The following SLC9A9 variants were observed in gnomAD, a reference collection of about 807,000 sequenced individuals.
SLC9A9 encodes sodium/hydrogen exchanger 9.
A neutral mutation model predicts 77.8 loss-of-function variants in SLC9A9; 62 were observed. The ratio of observed to expected loss-of-function variants is 0.80; its 90% CI spans 0.65 to 0.98. SLC9A9 has a LOEUF of 0.98. SLC9A9 is among the 50% of genes least tolerant of loss of function. The pLI is 0.00. For missense variants in SLC9A9, 775 were observed against 774.9 expected (o/e 1.00, Z 0.00); for synonymous variants, 320 against 283.5 (o/e 1.13, Z -1.29).
chr3:143,632,172 G>C (rs1300655312), intron 6 of SLC9A9, among the ~76,000 whole-genome samples: 1 of 152,136 alleles, frequency 6.6e-6, no homozygotes, highest in Admixed American at 6.6e-5. Context: ...ATCAGTGGCT[G>C]GCAAGTTCTT....
intron 14 of SLC9A9, among the ~76,000 whole-genome samples, chr3:143,291,463 T>G (rs2029966678): frequency 2.0e-5 from 3 of 152,168 alleles, no homozygotes; most frequent in Non-Finnish European, 1.5e-5. Flanking sequence ...CATCTCTCAC[T>G]CTACCCACTT....
chr3:143,356,335 T>A (rs910762996), intron 14 of SLC9A9, among the ~76,000 whole-genome samples: 1 of 152,182 alleles, frequency 6.6e-6, no homozygotes, highest in Non-Finnish European at 1.5e-5. Flanking sequence ...ACTTTACTGA[T>A]GGATTCAGCC....
At chr3:143,536,421 C>A (rs774826392) in intron 9 of SLC9A9, among the ~76,000 whole-genome samples, 8 of 152,158 alleles carry the variant, frequency 5.3e-5, no homozygotes, top group Non-Finnish European at 8.8e-5. Context: ...CTAACTGGCA[C>A]CTATTAGTCC....
intron 14 of SLC9A9, among the ~76,000 whole-genome samples, chr3:143,344,761 A>G (rs552386808): frequency 6.6e-6 from 1 of 152,194 alleles, no homozygotes; most frequent in East Asian, 1.9e-4. Flanking sequence ...GTTTCCTGGC[A>G]TGTAATTGTT....
chr3:143,838,245 G>T (rs889007375), intron 1 of SLC9A9, among the ~76,000 whole-genome samples: 1 of 152,224 alleles, frequency 6.6e-6, no homozygotes, highest in Non-Finnish European at 1.5e-5. Flanking sequence ...TCAAGGATGT[G>T]TAAGAGTTCA....
At chr3:143,356,616 G>C (rs1243477468) in intron 14 of SLC9A9, among the ~76,000 whole-genome samples, 1 of 152,128 alleles carries the variant, frequency 6.6e-6, no homozygotes, top group East Asian at 1.9e-4. Flanking sequence ...GAACTCCTGG[G>C]CTCAAGTGAT....
intron 7 of SLC9A9, among the ~76,000 whole-genome samples, 192 bp downstream of exon 7, chr3:143,578,393 C>T (rs1394919587): frequency 2.0e-5 from 3 of 152,114 alleles, no homozygotes; most frequent in East Asian, 1.9e-4. Context: ...GAGCTTGGGC[C>T]CCTCTGCCAC....
chr3:143,846,759 GT>G (rs1403264371), intron 1 of SLC9A9, among the ~76,000 whole-genome samples: 3 of 142,056 alleles, frequency 2.1e-5, no homozygotes, highest in African/African-American at 5.6e-5. Context: ...TTTGGGTTAT[GT>G]TTTTTTTCTT....
At position 143,701,794 on chromosome 3, in the gene SLC9A9, A is replaced by G. The variant is rs114723506; in HGVS notation, c.534-8487T>C. The stretch of plus-strand genomic sequence containing the variant: ...TTGCAAAACCTGGAGAAAGATATCA[A>G]TATCCAAGTACAAGAATGTTACAGA... On this transcript the variant is annotated intron_variant, in intron 4 of 15. Coordinates refer to ENST00000316549, the MANE Select transcript of SLC9A9 (RefSeq NM_173653.4). Among the ~76,000 whole-genome samples the G allele has an allele frequency of 7.0e-3, 1,063 of 152,338 alleles. 8 individuals are homozygous for G. Among genetic ancestry groups the G allele is most frequent in the Middle Eastern group, 0.017 (5 of 294 alleles).
At chr3:143,756,852 G>A (rs1576705237) in intron 4 of SLC9A9, among the ~76,000 whole-genome samples, 1 of 152,178 alleles carries the variant, frequency 6.6e-6, no homozygotes, top group Non-Finnish European at 1.5e-5. Context: ...GAATCTAACT[G>A]AAGTGACAAA....
At chr3:143,620,684 C>A (rs904427079) in intron 6 of SLC9A9, 1 of 152,886 alleles carries the variant, frequency 6.5e-6, no homozygotes, top group Non-Finnish European at 1.5e-5. Flanking sequence ...CAGCTCCCAG[C>A]GTGAGTGACG....
At chr3:143,563,117 T>G (rs1388937842) in intron 8 of SLC9A9, among the ~76,000 whole-genome samples, 2 of 152,084 alleles carry the variant, frequency 1.3e-5, no homozygotes, top group Non-Finnish European at 2.9e-5. Context: ...AGAACTGTTT[T>G]GAAAAACCAC....
intron 14 of SLC9A9, among the ~76,000 whole-genome samples, chr3:143,344,266 T>G (rs570528560): frequency 3.3e-4 from 50 of 152,310 alleles, no homozygotes; most frequent in African/African-American, 1.2e-3. Flanking sequence ...GCTCTTATTT[T>G]CTCAAACAAT....
intron 1 of SLC9A9, among the ~76,000 whole-genome samples, chr3:143,835,893 AAC>A (rs1406800746): frequency 6.6e-6 from 1 of 152,134 alleles, no homozygotes; most frequent in African/African-American, 2.4e-5. Flanking sequence ...CTGCATACAC[AAC>A]ACTTCTCTGA....
chr3:143,358,701 A>G (rs910726383), intron 14 of SLC9A9, among the ~76,000 whole-genome samples: 1 of 152,188 alleles, frequency 6.6e-6, no homozygotes, highest in Non-Finnish European at 1.5e-5. Flanking sequence ...ATTTTATCTG[A>G]TGTCTTAAAA....
intron 12 of SLC9A9, among the ~76,000 whole-genome samples, chr3:143,436,472 A>G (rs1387893838): frequency 6.6e-6 from 1 of 152,238 alleles, no homozygotes; most frequent in Non-Finnish European, 1.5e-5. Flanking sequence ...CGTTCAGTCC[A>G]TCAGAAACTG....
intron 14 of SLC9A9, among the ~76,000 whole-genome samples, chr3:143,287,213 G>T (rs1320681084): frequency 6.6e-6 from 1 of 152,134 alleles, no homozygotes; most frequent in Non-Finnish European, 1.5e-5. Context: ...ACTGGGAGGA[G>T]GTAGCAAAAG....
At chr3:143,734,374 TAAAATGTATAGAAA>T (rs1164482668) in intron 4 of SLC9A9, among the ~76,000 whole-genome samples, 2 of 152,106 alleles carry the variant, frequency 1.3e-5, no homozygotes, top group Non-Finnish European at 2.9e-5. Flanking sequence ...TGTGTGTTTA[TAAAATGTATAGAAA>T]AAAAAGAAAT....
intron 9 of SLC9A9, among the ~76,000 whole-genome samples, chr3:143,521,904 T>C (rs1477245651): frequency 7.2e-5 from 11 of 152,186 alleles, no homozygotes; most frequent in Non-Finnish European, 1.3e-4. Context: ...GCCACTCTGC[T>C]GTCTCTCAAT....
Sources: allele counts gnomAD v4.1 joint callset (sites outside exome capture counted in the v4.1 genomes callset), GRCh38; gene constraint gnomAD v4.1.1; transcripts MANE v1.5; gene names NCBI Gene and HGNC (gene_info 2026-07-23, HGNC 2026-07-21).